Variants in ETS2 observed in about 807,000 individuals in gnomAD.
ETS2 encodes the protein protein C-ets-2.
ETS2 carries 19 observed loss-of-function variants against 54.9 expected under a neutral mutation model. That is an observed-to-expected ratio of 0.35 (90% CI 0.24 to 0.51). The LOEUF (loss-of-function observed/expected upper bound fraction) is 0.51, where lower values mean the gene tolerates loss of function less well. Ranked by LOEUF, ETS2 falls within the 20% of genes least tolerant of loss-of-function variation. The probability of loss-of-function intolerance (pLI) is 0.97; values close to 1 mark genes in which losing one functional copy is unlikely to be tolerated. For missense variants in ETS2, 417 were observed against 593.0 expected (o/e 0.70, Z 3.08); for synonymous variants, 219 against 229.3 (o/e 0.95, Z 0.41).
At chr21:38,805,282 G>A, upstream of ETS2, 1 of 1,167,196 alleles carries the variant, frequency 8.6e-7, no homozygotes, top group Non-Finnish European at 1.1e-6. The surrounding 1 kb of genome is among the most constrained non-coding windows in gnomAD (Gnocchi z 5.2). Flanking sequence ...TACAGGAAGC[G>A]CCTCATTTGG....
chr21:38,816,985 C>T lies in ETS2; in HGVS notation c.506-23C>T, dbSNP rs374338058. 6.9e-5 allele frequency: 97 copies of T among 1,402,192 alleles called. 1 individual carries two copies. Among genetic ancestry groups the T allele is most frequent in the African/African-American group, 1.1e-4 (8 of 70,840 alleles). 86.9% of individuals were successfully genotyped at this position (1,402,192 alleles called of 1,614,324 possible). ...GTTTTCACCTACATCTGCCATCTTA[C>T]GTCTCCTGTGTCTGCTTTTCAGAAA... On this transcript the variant is annotated intron_variant, in intron 5 of 9. Transcript: ENST00000360938.
At chr21:38,815,659 G>A (rs778246310) in intron 5 of ETS2, among the ~76,000 whole-genome samples, 15 of 151,544 alleles carry the variant, frequency 9.9e-5, no homozygotes, top group Non-Finnish European at 1.8e-4. Flanking sequence ...GGCCAGGTGC[G>A]GTGGCTCACA....
intron 2 of ETS2, among the ~76,000 whole-genome samples, chr21:38,812,384 A>C (rs905466076): frequency 6.6e-6 from 1 of 152,182 alleles, no homozygotes; most frequent in African/African-American, 2.4e-5. Flanking sequence ...CACCATTGTA[A>C]GATTCTGTTA....
chr21:38,805,429 G>A (rs2060887508), upstream of ETS2: 1 of 1,288,502 alleles, frequency 7.8e-7, no homozygotes, highest in South Asian at 1.2e-5. This position sits in a 1 kb window ranked among gnomAD's most constrained non-coding sequence, Gnocchi z 5.2. Context: ...CCGTCGCTGC[G>A]GAATTCCAAA....
chr21:38,810,112 TG>T lies in ETS2; in HGVS notation c.72+9del. The T allele has an allele frequency of 6.7e-7, 1 of 1,500,990 alleles. No individual in the cohort carries two copies. Among genetic ancestry groups the T allele is most frequent in the South Asian group, 1.3e-5 (1 of 74,862 alleles). 93.0% of individuals were successfully genotyped at this position (1,500,990 alleles called of 1,614,324 possible). A position where few individuals can be genotyped will look rare whatever the true frequency, so the allele number is the denominator to read the frequency against. On this transcript the variant is annotated splice_region_variant and intron_variant, in intron 2 of 9. Coordinates refer to ENST00000360938, the MANE Select transcript of ETS2 (RefSeq NM_005239.6). ...GTTACAGAGGGACACTCAAGGTGAG[TG>T]GGCAAGTCTTAATTTTTTTTTTTAA... is the stretch of plus-strand genomic sequence containing the variant.
At chr21:38,817,830 T>C (rs946680187) in intron 6 of ETS2, among the ~76,000 whole-genome samples, 2 of 152,190 alleles carry the variant, frequency 1.3e-5, no homozygotes, top group Admixed American at 1.3e-4. Flanking sequence ...TCAGACCCGG[T>C]GAAGCCCACC....
rs539198379 is a variant in ETS2, at chr21:38,817,171, C to A, written c.589+80C>A. On this transcript the variant is annotated intron_variant, in intron 6 of 9. Transcript: ENST00000360938. ...CTTGGAATCTCTCTACTGTAGGCTC[C>A]TAAGGGGCCACCTAGACCTGTGTGT... 1.7e-4 allele frequency: 154 copies of A among 902,728 alleles called. 1 individual carries two copies. Among genetic ancestry groups the A allele is most frequent in the Non-Finnish European group, 6.1e-5 (34 of 553,512 alleles). The allele number at this position is 902,728 out of a possible 1,614,324, so 55.9% of individuals were successfully genotyped here.
chr21:38,820,758 A>G (rs930267569), intron 8 of ETS2, among the ~76,000 whole-genome samples: 1 of 152,218 alleles, frequency 6.6e-6, no homozygotes, highest in African/African-American at 2.4e-5. Context: ...TTTACAGCAA[A>G]GCTTTATTGA....
At chr21:38,817,264 T>G (rs1569024673) in intron 6 of ETS2, among the ~76,000 whole-genome samples, 173 bp downstream of exon 6, 1 of 152,220 alleles carries the variant, frequency 6.6e-6, no homozygotes, top group Non-Finnish European at 1.5e-5. Flanking sequence ...CACATCGAGA[T>G]GTGTAGGAAG....
chr21:38,808,205 G>C (rs981535930), intron 1 of ETS2, among the ~76,000 whole-genome samples: 30 of 152,152 alleles, frequency 2.0e-4, no homozygotes, highest in African/African-American at 7.2e-4. Flanking sequence ...ATGTTGCTGG[G>C]CCTCCGTTGC....
At chr21:38,807,265 G>A (rs994804410) in intron 1 of ETS2, among the ~76,000 whole-genome samples, 11 of 152,128 alleles carry the variant, frequency 7.2e-5, no homozygotes, top group African/African-American at 2.7e-4. Flanking sequence ...GTGTTACAAG[G>A]TTGTGTTGTT....
Position 38,814,842 on chromosome 21 carries a change from C to T in ETS2, c.366C>T (p.Phe122=), listed in dbSNP as rs771567210. ...GGCTTCTCTGGGCCACCAATGAGTT[C>T]AGTCTGGTGAACGTGAATCTGCAGA... ...CQWLLWATNE[F]SLVNVNLQRF... is the part of the protein sequence containing the mutation. Residue 122 remains phenylalanine (F), a synonymous_variant, in exon 5 of 10, where the codon TTC becomes TTT. Transcript: ENST00000360938. The surrounding 1 kb of genome is among the most constrained non-coding windows in gnomAD (Gnocchi z 4.2). 6.8e-6 allele frequency: 11 copies of T among 1,614,012 alleles called. No homozygotes were observed. The highest frequency in any genetic ancestry group is 2.5e-6 in the Non-Finnish European group (3 of 1,180,024).
At chr21:38,819,880 G>C (rs59352622) in intron 8 of ETS2, 114 bp downstream of exon 8, 2 of 1,005,884 alleles carry the variant, frequency 2.0e-6, no homozygotes, top group Non-Finnish European at 2.9e-6. Context: ...AGGTACACCA[G>C]TGCTCTACAC....
At chr21:38,808,192 T>TCCATGTTGC (rs1279128568) in intron 1 of ETS2, among the ~76,000 whole-genome samples, 1 of 152,152 alleles carries the variant, frequency 6.6e-6, no homozygotes, top group East Asian at 1.9e-4. Context: ...GGGCAGATTG[T>TCCATGTTGC]CCATGTTGCT....
intron 5 of ETS2, among the ~76,000 whole-genome samples, chr21:38,815,833 G>A (rs943363445): frequency 1.4e-4 from 21 of 149,938 alleles, no homozygotes; most frequent in Admixed American, 3.3e-4. Flanking sequence ...CCAGATACTC[G>A]GAAGCCTGAG....
At position 38,806,120 on chromosome 21, in the gene ETS2, G is replaced by GCC. The variant is rs1215505510; in HGVS notation, c.-1_-1+1insCC. The GCC allele has an allele frequency of 5.9e-4, 610 of 1,041,726 alleles. 5 individuals are homozygous for GCC. In the African/African-American group the frequency reaches 9.7e-3, roughly 16 times the overall value. The allele number at this position is 1,041,726 out of a possible 1,614,324, so 64.5% of individuals were successfully genotyped here. A position where few individuals can be genotyped will look rare whatever the true frequency, so the allele number is the denominator to read the frequency against. On this transcript the variant is annotated splice_region_variant and 5_prime_UTR_variant. Transcript: ENST00000360938. The surrounding 1 kb of genome is among the most constrained non-coding windows in gnomAD (Gnocchi z 4.3). Reference sequence around the variant, plus strand: ...GCGCCGGCCCTGCCCGCAGCGGCAGGGTAAGAGCTGGGCCCGCAGAGAGCG... The same window carrying GCC: ...GCGCCGGCCCTGCCCGCAGCGGCAGGCCGTAAGAGCTGGGCCCGCAGAGAGCG...
rs551147066 is a variant in ETS2, at chr21:38,823,150, C to T, written c.*261C>T. The T allele has an allele frequency of 2.6e-4, 84 of 324,726 alleles. No individual in the cohort carries two copies. The highest frequency in any genetic ancestry group is 1.4e-3 in the African/African-American group (66 of 47,066). The allele number at this position is 324,726 out of a possible 1,614,324, so 20.1% of individuals were successfully genotyped here. Reference sequence around the variant, plus strand: ...AAGAGGCACCAGGAAGCCGTCCTGGCGCCTGGCAGTCCGTGGGACGGGATG... The same window carrying T: ...AAGAGGCACCAGGAAGCCGTCCTGGTGCCTGGCAGTCCGTGGGACGGGATG... On this transcript the variant is annotated 3_prime_UTR_variant, in exon 10 of 10. Transcript: ENST00000360938.
Position 38,822,656 on chromosome 21 carries a change from C to T in ETS2, c.1195-18C>T. The T allele has an allele frequency of 1.9e-6, 3 of 1,598,150 alleles. No homozygotes were observed. In the South Asian group the frequency reaches 3.3e-5, roughly 18 times the overall value. Reference sequence around the variant, plus strand: ...TGACAAATTGAGTTTAACTCTTTTCCATCCATGTTCACCAAAGGTGGCCCG... The same window carrying T: ...TGACAAATTGAGTTTAACTCTTTTCTATCCATGTTCACCAAAGGTGGCCCG... On this transcript the variant is annotated intron_variant, in intron 9 of 9. Coordinates refer to ENST00000360938, the MANE Select transcript of ETS2 (RefSeq NM_005239.6).
rs530 is a variant in ETS2, at chr21:38,823,353, T to A, written c.*464T>A. On this transcript the variant is annotated 3_prime_UTR_variant, in exon 10 of 10. Transcript: ENST00000360938. ...TCAGAAGTTAGTTTGTATATATTATTATAATCTTATAATTGTTCTCAGAAT... is the reference window on the plus strand; with the variant it reads ...TCAGAAGTTAGTTTGTATATATTATAATAATCTTATAATTGTTCTCAGAAT... 89,890 of 152,838 alleles carry A rather than the reference T, an allele frequency of 0.59. 27,160 individuals carry two copies. The highest frequency in any genetic ancestry group is 0.84 in the South Asian group (4,064 of 4,836). The allele number at this position is 152,838 out of a possible 1,614,324, so 9.5% of individuals were successfully genotyped here.
Sources: allele counts gnomAD v4.1 joint callset (sites outside exome capture counted in the v4.1 genomes callset), GRCh38; gene constraint gnomAD v4.1.1; non-coding constraint Gnocchi (gnomAD v3.1); transcripts MANE v1.5; gene names NCBI Gene and HGNC (gene_info 2026-07-23, HGNC 2026-07-21).